HECA: variants seen among roughly 807,000 people sequenced by gnomAD.
The protein encoded by HECA is HECA ribonucleoprotein granule regulator.
In HECA, 13 loss-of-function variants were observed where a neutral mutation model predicts 37.6. That is an observed-to-expected ratio of 0.35 (90% CI 0.23 to 0.55). HECA has a LOEUF of 0.55. HECA is among the 20% of genes least tolerant of loss of function. HECA has a pLI of 0.90. For synonymous variants in HECA, 307 were observed against 291.5 expected (o/e 1.05, Z -0.54); for missense variants, 527 against 701.9 (o/e 0.75, Z 2.82).
intron 1 of HECA, among the ~76,000 whole-genome samples, chr6:139,145,512 G>A (rs1050808713): frequency 1.3e-5 from 2 of 152,166 alleles, no homozygotes; most frequent in African/African-American, 4.8e-5. Context: ...GAGAAAGTTA[G>A]CATTGTTCTC....
At position 139,173,227 on chromosome 6, in the gene HECA, G is replaced by GGCC. The variant is rs551450780; in HGVS notation, c.1313-1157_1313-1155dup. Among the ~76,000 whole-genome samples, 390 of 152,286 alleles carry GGCC rather than the reference G, an allele frequency of 2.6e-3. 3 individuals carry two copies. The highest frequency in any genetic ancestry group is 4.5e-3 in the Non-Finnish European group (306 of 68,034). On this transcript the variant is annotated intron_variant, in intron 2 of 3. Coordinates refer to ENST00000367658, the MANE Select transcript of HECA (RefSeq NM_016217.3). ...TCATCCTTCCCCCTTTTGGCATAAA[G>GGCC]GCCCCCAAGGTTATCTGTCTTTGGC...
At chr6:139,173,423 G>A (rs1775004232) in intron 2 of HECA, among the ~76,000 whole-genome samples, 1 of 152,184 alleles carries the variant, frequency 6.6e-6, no homozygotes, top group African/African-American at 2.4e-5. Context: ...CCTAAGTACT[G>A]TAGATGGAAC....
chr6:139,170,272 A>C (rs1774952846), intron 2 of HECA: 1 of 152,234 alleles, frequency 6.6e-6, no homozygotes, highest in African/African-American at 2.4e-5. Flanking sequence ...TCATCAGTTC[A>C]TCAAACTTAC....
In HECA at chr6:139,166,635, A is replaced by G; in HGVS notation, c.623A>G (p.Glu208Gly). 1 of 1,614,208 alleles carries G rather than the reference A, an allele frequency of 6.2e-7. No individual in the cohort carries two copies. The highest frequency in any genetic ancestry group is 8.5e-7 in the Non-Finnish European group (1 of 1,180,028). Residue 208 changes from glutamate to glycine, a missense_variant, in exon 2 of 4, where the codon GAG (glutamate) becomes GGG (glycine). Physicochemically the swap from Glu to Gly is moderately conservative, Grantham distance 98. Coordinates refer to ENST00000367658, the MANE Select transcript of HECA (RefSeq NM_016217.3). ...GAGAAAAAGAAGAAGTCTGGCTCCG[A>G]GAAGAACACAGGGAGGCCTCCTGGT... ...QDEKKKKSGSEKNTGRPPGEA... is the reference protein window; with the variant it reads ...QDEKKKKSGSGKNTGRPPGEA...
At chr6:139,158,249 T>C (rs1774744522) in intron 1 of HECA, among the ~76,000 whole-genome samples, 1 of 151,836 alleles carries the variant, frequency 6.6e-6, no homozygotes, top group Admixed American at 6.6e-5. Flanking sequence ...ATGCCTGTAA[T>C]CCCAGCACTT....
Position 139,176,974 on chromosome 6 carries a change from G to T in HECA, c.1501G>T (p.Val501Leu). 1 of 872,716 alleles carries T rather than the reference G, an allele frequency of 1.1e-6. No homozygotes were observed. Among genetic ancestry groups the T allele is most frequent in the Non-Finnish European group, 2.0e-6 (1 of 501,510 alleles). The allele number at this position is 872,716 out of a possible 1,614,324, so 54.1% of individuals were successfully genotyped here. Residue 501 changes from valine (V) to leucine (L), a missense_variant, in exon 4 of 4, where the codon GTG becomes TTG. Transcript: ENST00000367658. The surrounding 1 kb of genome is among the most constrained non-coding windows in gnomAD (Gnocchi z 4.5). Reference sequence around the variant, plus strand: ...GAACTGTAAGCACTGTGGGAAGCCGGTGATCGACGTGAGGATCGGGATGCA... The same window carrying T: ...GAACTGTAAGCACTGTGGGAAGCCGTTGATCGACGTGAGGATCGGGATGCA... ...RLNCKHCGKP[V>L]IDVRIGMQYF...
chr6:139,173,117 C>T (rs1469792254), intron 2 of HECA, among the ~76,000 whole-genome samples: 4 of 152,172 alleles, frequency 2.6e-5, no homozygotes, highest in African/African-American at 7.2e-5. Flanking sequence ...TAACATGCCC[C>T]GAGGCCAGAG....
At chr6:139,164,048 T>TCACACA (rs879793262) in intron 1 of HECA, among the ~76,000 whole-genome samples, 1 of 142,644 alleles carries the variant, frequency 7.0e-6, no homozygotes, top group Non-Finnish European at 1.5e-5. Flanking sequence ...GCATGGACTC[T>TCACACA]CACACACACA....
intron 1 of HECA, among the ~76,000 whole-genome samples, chr6:139,157,222 G>A (rs1201318120): frequency 1.3e-5 from 2 of 152,178 alleles, no homozygotes; most frequent in African/African-American, 4.8e-5. Context: ...ATGACCAGAG[G>A]TCACTCTCGT....
intron 1 of HECA, among the ~76,000 whole-genome samples, chr6:139,140,931 C>T (rs1774505531): frequency 6.6e-6 from 1 of 151,990 alleles, no homozygotes; most frequent in Non-Finnish European, 1.5e-5. Context: ...GCTGGGACTA[C>T]AGGCACCCGC....
chr6:139,150,511 C>T (rs924631715), intron 1 of HECA, among the ~76,000 whole-genome samples: 1 of 149,802 alleles, frequency 6.7e-6, no homozygotes, highest in Admixed American at 6.6e-5. Context: ...AAAAAGATGA[C>T]TTTGAGTAAT....
chr6:139,165,867 C>A (rs773550749), intron 1 of HECA, among the ~76,000 whole-genome samples: 3 of 152,150 alleles, frequency 2.0e-5, no homozygotes, highest in Non-Finnish European at 4.4e-5. Context: ...CACTTCCTGT[C>A]CTGGTAGCTT....
At chr6:139,143,084 T>G (rs1036317929) in intron 1 of HECA, among the ~76,000 whole-genome samples, 1 of 152,154 alleles carries the variant, frequency 6.6e-6, no homozygotes, top group East Asian at 1.9e-4. Flanking sequence ...TTTTAAAGCT[T>G]TAGTGAAAAA....
rs558828298 is a variant in HECA, at chr6:139,158,489, C to T, written c.272-7795C>T. On this transcript the variant is annotated intron_variant, in intron 1 of 3. Transcript: ENST00000367658. ...CTGCACTCCAGCCTGGGTGACAGAGCGAGATTCCATCTCAAAAAAAAAAAA... is the reference window on the plus strand; with the variant it reads ...CTGCACTCCAGCCTGGGTGACAGAGTGAGATTCCATCTCAAAAAAAAAAAA... Among the ~76,000 whole-genome samples, 202 of 124,030 alleles carry T rather than the reference C, an allele frequency of 1.6e-3. 7 individuals are homozygous for T. In the South Asian group the frequency reaches 0.047, roughly 29 times the overall value. The allele number at this position is 124,030 out of a possible 152,430, so 81.4% of individuals were successfully genotyped here.
chr6:139,173,539 C>A (rs1354058472), intron 2 of HECA, among the ~76,000 whole-genome samples: 2 of 152,112 alleles, frequency 1.3e-5, no homozygotes, highest in African/African-American at 2.4e-5. Flanking sequence ...GAATATGAGG[C>A]CACTTAGGAT....
chr6:139,169,231 A>AT (rs1050216794), intron 2 of HECA, among the ~76,000 whole-genome samples: 5 of 151,518 alleles, frequency 3.3e-5, no homozygotes, highest in African/African-American at 7.3e-5. Context: ...CCCTTAGATT[A>AT]TTTTTTTTGT....
chr6:139,152,496 G>A (rs985991312), intron 1 of HECA, among the ~76,000 whole-genome samples: 10 of 148,470 alleles, frequency 6.7e-5, no homozygotes, highest in African/African-American at 1.5e-4. Flanking sequence ...AAAGCTTTTC[G>A]TTTAAATCCT....
At chr6:139,172,631 G>A (rs1266610359) in intron 2 of HECA, among the ~76,000 whole-genome samples, 1 of 152,104 alleles carries the variant, frequency 6.6e-6, no homozygotes, top group Non-Finnish European at 1.5e-5. Context: ...AATTCTCTGT[G>A]GTCAGGACAA....
chr6:139,135,708 G>C, intron 1 of HECA, 41 bp downstream of exon 1: 1 of 938,294 alleles, frequency 1.1e-6, no homozygotes, highest in African/African-American at 1.8e-5. Flanking sequence ...CTTCCTCCCC[G>C]ACGGGGACGG....
Sources: gnomAD v4.1 joint callset for allele counts (sites outside exome capture counted in the v4.1 genomes callset) on GRCh38, gnomAD v4.1.1 for gene constraint, Gnocchi (gnomAD v3.1) non-coding constraint, MANE v1.5 for transcripts, NCBI Gene and HGNC (gene_info 2026-07-23, HGNC 2026-07-21) for gene names.